The following NAT2 variants were observed in gnomAD, a reference collection of about 807,000 sequenced individuals.
NAT2 encodes the protein arylamine N-acetyltransferase 2.
For missense variants in NAT2, 428 were observed against 339.1 expected, an observed-to-expected ratio of 1.26 and a Z score of -2.06; for synonymous variants, 137 against 125.9, an observed-to-expected ratio of 1.09 and a Z score of -0.59.
At chr8:18,389,370 C>G (rs535342450), upstream of NAT2, among the ~76,000 whole-genome samples, 18 of 152,336 alleles carry the variant, frequency 1.2e-4, no homozygotes, top group Admixed American at 5.2e-4. Context: ...TAATCCATCT[C>G]TCTTCGCCTG....
chr8:18,394,726 G>A (rs2117615114), intron 1 of NAT2, among the ~76,000 whole-genome samples: 1 of 152,234 alleles, frequency 6.6e-6, no homozygotes, highest in Non-Finnish European at 1.5e-5. Flanking sequence ...TATCCACAGG[G>A]CTATTATCAG....
At chr8:18,399,778 AC>A (rs45468991) in intron 1 of NAT2, among the ~76,000 whole-genome samples, 4,320 of 152,306 alleles carry the variant, frequency 0.028, 202 homozygotes, top group African/African-American at 0.098. Flanking sequence ...GACGGAAGAT[AC>A]AATAATACTT....
intron 1 of NAT2, among the ~76,000 whole-genome samples, chr8:18,393,313 A>C (rs1001197853): frequency 6.6e-6 from 1 of 152,050 alleles, no homozygotes; most frequent in Non-Finnish European, 1.5e-5. Flanking sequence ...ATATCATTCC[A>C]TATTTTCTTT....
upstream of NAT2, among the ~76,000 whole-genome samples, chr8:18,387,941 G>A (rs977532004): frequency 2.0e-5 from 3 of 152,172 alleles, no homozygotes; most frequent in African/African-American, 7.2e-5. Flanking sequence ...ATGCTAGAAG[G>A]GTTGGAGTTG....
rs78498301 is a variant in NAT2, at chr8:18,391,583, C to G, written c.-7+238C>G. Among the ~76,000 whole-genome samples, 45 of 152,186 alleles carry G rather than the reference C, an allele frequency of 3.0e-4. No homozygotes were observed. In the East Asian group the frequency reaches 8.0e-3, roughly 27 times the overall value. On this transcript the variant is annotated intron_variant, in intron 1 of 1. Coordinates refer to ENST00000286479, the MANE Select transcript of NAT2 (RefSeq NM_000015.3). Reference sequence around the variant, plus strand: ...CCAGCATTAACATTGAAACAGTGATCATAAGACTGTCAAAATGGACTGTTT... The same window carrying G: ...CCAGCATTAACATTGAAACAGTGATGATAAGACTGTCAAAATGGACTGTTT...
At chr8:18,394,915 A>G (rs1800658944) in intron 1 of NAT2, among the ~76,000 whole-genome samples, 1 of 152,250 alleles carries the variant, frequency 6.6e-6, no homozygotes, top group Non-Finnish European at 1.5e-5. Flanking sequence ...CAGAGAAATC[A>G]GGCAGATAGA....
chr8:18,401,085 A>G lies in NAT2; in HGVS notation c.*209A>G, dbSNP rs1171746744. 2.4e-6 allele frequency: 1 copy of G among 413,626 alleles called. No individual in the cohort carries two copies. The highest frequency in any genetic ancestry group is 4.3e-5 in the Admixed American group (1 of 23,074). The allele number at this position is 413,626 out of a possible 1,614,324, so 25.6% of individuals were successfully genotyped here. A position where few individuals can be genotyped will look rare whatever the true frequency, so the allele number is the denominator to read the frequency against. ...ACACATTTTCAAATTAATAAAAATA[A>G]AGGCATTTTAAGGATGGCCTGTGAT... On this transcript the variant is annotated 3_prime_UTR_variant, in exon 2 of 2. Transcript: ENST00000286479.
chr8:18,399,380 C>G (rs553759338), intron 1 of NAT2, among the ~76,000 whole-genome samples: 2 of 152,164 alleles, frequency 1.3e-5, no homozygotes, highest in South Asian at 4.1e-4. Flanking sequence ...TCCATTTATT[C>G]AGTTTCCTAT....
Position 18,400,561 on chromosome 8 carries a change from C to T in NAT2, c.558C>T (p.His186=). The change falls in exon 2 of 2, where the codon CAC becomes CAT. Residue 186 remains histidine (H), a synonymous_variant. Coordinates refer to ENST00000286479, the MANE Select transcript of NAT2 (RefSeq NM_000015.3). ...CTCATCTCCTGCCAAAGAAGAAACACCAAAAAATATACTTATTTACGCTTG... is the reference window on the plus strand; with the variant it reads ...CTCATCTCCTGCCAAAGAAGAAACATCAAAAAATATACTTATTTACGCTTG... ...LNSHLLPKKK[H]QKIYLFTLEP... 2.5e-6 allele frequency: 4 copies of T among 1,611,870 alleles called. No homozygotes were observed. The highest frequency in any genetic ancestry group is 3.4e-6 in the Non-Finnish European group (4 of 1,179,452).
rs542372842 is a variant in NAT2, at chr8:18,397,746, A to T, written c.-6-2252A>T. 5.9e-5 allele frequency among the ~76,000 whole-genome samples: 9 copies of T among 152,100 alleles called. No homozygotes were observed. The South Asian group carries it at 1.9e-3, about 31-fold the overall frequency. On this transcript the variant is annotated intron_variant, in intron 1 of 1. Transcript: ENST00000286479. ...GTTTAATGCTATTTTTTTCTTTTTG[A>T]AACTTCTCAGATATCTCAGAAGTTC...
intron 1 of NAT2, among the ~76,000 whole-genome samples, chr8:18,391,553 A>G (rs1290299805): frequency 1.3e-5 from 2 of 152,008 alleles, no homozygotes; most frequent in African/African-American, 4.8e-5. Context: ...TTCAGGCACA[A>G]CTGACCAGCA....
intron 1 of NAT2, among the ~76,000 whole-genome samples, chr8:18,394,627 A>C (rs1800651909): frequency 7.5e-6 from 1 of 133,286 alleles, no homozygotes; most frequent in South Asian, 2.3e-4. Flanking sequence ...TGGGCCTGTC[A>C]GAATGTGACC....
chr8:18,386,539 G>A (rs1800508955), upstream of NAT2, among the ~76,000 whole-genome samples: 2 of 152,284 alleles, frequency 1.3e-5, no homozygotes, highest in South Asian at 4.1e-4. Flanking sequence ...TGCCTGGATG[G>A]GCTCCAGCTT....
intron 1 of NAT2, among the ~76,000 whole-genome samples, chr8:18,391,630 C>A (rs1409983853): frequency 1.3e-5 from 2 of 152,116 alleles, no homozygotes; most frequent in African/African-American, 2.4e-5. Flanking sequence ...ATACCAAATT[C>A]CAATCTGACT....
At chr8:18,396,484 C>T (rs1006714403) in intron 1 of NAT2, among the ~76,000 whole-genome samples, 3 of 152,106 alleles carry the variant, frequency 2.0e-5, no homozygotes, top group Non-Finnish European at 4.4e-5. Context: ...GAGTGCCTGC[C>T]TCCAGGGTTC....
chr8:18,387,164 G>C (rs1800517303), upstream of NAT2: 1 of 152,266 alleles, frequency 6.6e-6, no homozygotes, highest in African/African-American at 2.4e-5. Context: ...GCCCAGTGCA[G>C]GGAGCGCGGG....
upstream of NAT2, among the ~76,000 whole-genome samples, chr8:18,390,999 A>G (rs979663419): frequency 1.3e-5 from 2 of 152,140 alleles, no homozygotes; most frequent in African/African-American, 4.8e-5. Context: ...CTCACCTTCT[A>G]TATCACACAT....
upstream of NAT2, among the ~76,000 whole-genome samples, chr8:18,388,456 T>G (rs1407809982): frequency 1.6e-5 from 2 of 125,738 alleles, no homozygotes; most frequent in Non-Finnish European, 3.2e-5. Flanking sequence ...ACTTTACTTG[T>G]TGAAGTGAAA....
upstream of NAT2, chr8:18,387,173 G>T (rs1407442423): frequency 1.3e-5 from 2 of 152,292 alleles, no homozygotes; most frequent in South Asian, 2.0e-4. Flanking sequence ...AGGGAGCGCG[G>T]GGAGCTGGCC....
Sources: gnomAD v4.1 joint callset for allele counts (sites outside exome capture counted in the v4.1 genomes callset) on GRCh38, gnomAD v4.1.1 for gene constraint, MANE v1.5 for transcripts, NCBI Gene and HGNC (gene_info 2026-07-23, HGNC 2026-07-21) for gene names.